SIRT5: variants seen among roughly 807,000 people sequenced by gnomAD.
SIRT5 encodes sirtuin 5.
A neutral mutation model predicts 40.0 loss-of-function variants in SIRT5; 26 were observed. That is an observed-to-expected ratio of 0.65 (90% CI 0.48 to 0.90). The LOEUF (loss-of-function observed/expected upper bound fraction) is 0.90, where lower values mean the gene tolerates loss of function less well. SIRT5 is among the 40% of genes least tolerant of loss of function. The pLI is 0.00. For missense variants in SIRT5, 401 were observed against 402.4 expected (o/e 1.00, Z 0.03); for synonymous variants, 146 against 149.1 (o/e 0.98, Z 0.15).
Position 13,611,907 on chromosome 6 carries a change from A to C in SIRT5, c.*42A>C. Reference sequence around the variant, plus strand: ...AGAAATTACAGTATATCTAAGAACTAGGCCACACGCAGAGGAGAAATGGTC... The same window carrying C: ...AGAAATTACAGTATATCTAAGAACTCGGCCACACGCAGAGGAGAAATGGTC... On this transcript the variant is annotated 3_prime_UTR_variant, in exon 10 of 10. Coordinates refer to ENST00000606117, the MANE Select transcript of SIRT5 (RefSeq NM_012241.5). The C allele has an allele frequency of 2.5e-6, 4 of 1,585,808 alleles. No homozygotes were observed. Among genetic ancestry groups the C allele is most frequent in the Non-Finnish European group, 3.5e-6 (4 of 1,155,014 alleles).
intron 9 of SIRT5, among the ~76,000 whole-genome samples, chr6:13,608,914 C>T (rs1474351522): frequency 3.3e-5 from 5 of 151,746 alleles, no homozygotes; most frequent in South Asian, 2.1e-4. Context: ...CTCTGCCTCC[C>T]GGATTCAAGC....
intron 2 of SIRT5, 107 bp from the exon 3 acceptor site, chr6:13,583,969 T>A (rs2804917): frequency 4.2e-6 from 2 of 473,824 alleles, no homozygotes; most frequent in Non-Finnish European, 7.3e-6. Context: ...ATAATATACA[T>A]GATGCGTTTC....
chr6:13,576,544 A>G (rs1758663022), intron 1 of SIRT5, among the ~76,000 whole-genome samples: 1 of 152,084 alleles, frequency 6.6e-6, no homozygotes, highest in African/African-American at 2.4e-5. Flanking sequence ...AGTTTCTTAT[A>G]TATTTTAGAT....
At chr6:13,605,753 A>G in intron 9 of SIRT5, 1 of 985,424 alleles carries the variant, frequency 1.0e-6, no homozygotes, top group Non-Finnish European at 1.2e-6. Flanking sequence ...CAGTGTTTTG[A>G]CTGTTACTCA....
At chr6:13,576,956 CTG>C (rs1317946231) in intron 1 of SIRT5, among the ~76,000 whole-genome samples, 4 of 152,172 alleles carry the variant, frequency 2.6e-5, no homozygotes, top group African/African-American at 9.7e-5. Flanking sequence ...AATCAATTGA[CTG>C]TAAATACTTG....
intron 9 of SIRT5, chr6:13,604,759 TC>T (rs1762881391): frequency 8.1e-7 from 1 of 1,236,570 alleles, no homozygotes; most frequent in Non-Finnish European, 1.0e-6. Context: ...ATATCACTGC[TC>T]AAGTCAAGCC....
intron 6 of SIRT5, among the ~76,000 whole-genome samples, chr6:13,596,106 A>G (rs528190638): frequency 1.3e-5 from 2 of 152,370 alleles, no homozygotes; most frequent in Non-Finnish European, 1.5e-5. Context: ...TGTACACACA[A>G]TGAGTTCGTG....
chr6:13,589,953 A>G (rs4712047), intron 4 of SIRT5, among the ~76,000 whole-genome samples: 69,742 of 151,698 alleles, frequency 0.46, 16,456 homozygotes, highest in African/African-American at 0.58. Flanking sequence ...CCTATAAACT[A>G]CTCCAGGCCA....
At chr6:13,577,079 G>A (rs1029976812) in intron 1 of SIRT5, among the ~76,000 whole-genome samples, 1 of 152,156 alleles carries the variant, frequency 6.6e-6, no homozygotes, top group African/African-American at 2.4e-5. Context: ...TGAGATTAGG[G>A]AGTGTGATGC....
intron 9 of SIRT5, among the ~76,000 whole-genome samples, chr6:13,610,553 T>C (rs907631038): frequency 2.6e-5 from 4 of 152,118 alleles, no homozygotes; most frequent in South Asian, 2.1e-4. Context: ...ATTGTAAAAT[T>C]TGGGATGGGT....
chr6:13,600,575 GTTGA>G (rs1158242944), intron 8 of SIRT5, among the ~76,000 whole-genome samples: 5 of 152,194 alleles, frequency 3.3e-5, no homozygotes, highest in Non-Finnish European at 5.9e-5. Context: ...CCCAAAACAT[GTTGA>G]TTGAGTCACT....
At chr6:13,600,182 A>G (rs1762183240) in intron 8 of SIRT5, among the ~76,000 whole-genome samples, 2 of 152,224 alleles carry the variant, frequency 1.3e-5, no homozygotes, top group Admixed American at 1.3e-4. Flanking sequence ...GCGTATTTCA[A>G]ATTTTTCTTG....
At chr6:13,597,554 A>ATT (rs989335612) in intron 7 of SIRT5, among the ~76,000 whole-genome samples, 16 of 143,536 alleles carry the variant, frequency 1.1e-4, no homozygotes, top group Non-Finnish European at 3.1e-5. Flanking sequence ...ATTTTATTTT[A>ATT]TTTTTTTTTG....
chr6:13,583,384 T>C (rs1759629626), intron 2 of SIRT5, among the ~76,000 whole-genome samples: 1 of 142,644 alleles, frequency 7.0e-6, no homozygotes, highest in Non-Finnish European at 1.5e-5. Context: ...AACCTCTGCC[T>C]CCGGGGTTCA....
chr6:13,576,724 T>C (rs1282959755), intron 1 of SIRT5, among the ~76,000 whole-genome samples: 1 of 152,196 alleles, frequency 6.6e-6, no homozygotes, highest in Non-Finnish European at 1.5e-5. Context: ...AAGAAATCAT[T>C]GCCCAGACTA....
intron 9 of SIRT5, chr6:13,604,821 G>A: frequency 9.1e-7 from 1 of 1,095,340 alleles, no homozygotes; most frequent in Non-Finnish European, 1.1e-6. Context: ...AAATTCTTCA[G>A]CTTCATATTG....
chr6:13,593,431 G>C (rs1049185355), intron 5 of SIRT5, among the ~76,000 whole-genome samples: 11 of 152,132 alleles, frequency 7.2e-5, no homozygotes, highest in Admixed American at 3.3e-4. Flanking sequence ...CTGGGTCTGA[G>C]CCACTTTCCA....
intron 5 of SIRT5, among the ~76,000 whole-genome samples, chr6:13,594,136 C>T (rs1046887636): frequency 2.0e-5 from 3 of 152,122 alleles, no homozygotes; most frequent in Non-Finnish European, 4.4e-5. Context: ...GGTTTGTTGG[C>T]GGAAGGATCC....
Position 13,588,453 on chromosome 6 carries a change from T to C in SIRT5, c.238T>C (p.Trp80Arg). ...AGGAGCTGGAGGTTATTGGAGAAAA[T>C]GGCAAGCCCAGGTTTGTAAAGTTTC... ...FRGAGGYWRK[W>R]QAQDLATPLA... Residue 80 changes from tryptophan (W) to arginine (R), a missense_variant, in exon 4 of 10, where the codon TGG becomes CGG. Trp to Arg is a moderately radical substitution (Grantham distance 101). Transcript: ENST00000606117. The C allele has an allele frequency of 1.9e-6, 3 of 1,613,990 alleles. No individual in the cohort carries two copies. The highest frequency in any genetic ancestry group is 2.5e-6 in the Non-Finnish European group (3 of 1,179,980).
Sources: allele counts gnomAD v4.1 joint callset (sites outside exome capture counted in the v4.1 genomes callset), GRCh38; gene constraint gnomAD v4.1.1; transcripts MANE v1.5; gene names NCBI Gene and HGNC (gene_info 2026-07-23, HGNC 2026-07-21).